Variants in TMSB15B observed in about 807,000 individuals in gnomAD.
TMSB15B encodes the protein thymosin beta-15B.
intron 1 of TMSB15B, among the ~76,000 whole-genome samples, chrX:103,927,862 G>A (rs1483552408): frequency 9.0e-6 from 1 of 111,113 alleles, no homozygotes; most frequent in Non-Finnish European, 1.9e-5. Flanking sequence ...GCTCTGTCCA[G>A]AAAAACCGAT....
At chrX:103,936,911 GT>G (rs2074999556) in intron 1 of TMSB15B, among the ~76,000 whole-genome samples, 1 of 111,930 alleles carries the variant, frequency 8.9e-6, no homozygotes, top group African/African-American at 3.3e-5. Flanking sequence ...TAATCATATG[GT>G]TTTTGTCATT....
chrX:103,946,810 T>A (rs2075026844), intron 1 of TMSB15B, among the ~76,000 whole-genome samples: 1 of 111,495 alleles, frequency 9.0e-6, no homozygotes, highest in Non-Finnish European at 1.9e-5. Flanking sequence ...AAAAATCATG[T>A]CCTCAGAGTA....
At chrX:103,954,050 T>C (rs1402145822) in intron 1 of TMSB15B, among the ~76,000 whole-genome samples, 1 of 111,683 alleles carries the variant, frequency 9.0e-6, no homozygotes, top group Admixed American at 9.4e-5. Flanking sequence ...GGGCTAACTG[T>C]ACTGAGCTAT....
At chrX:103,949,557 G>T (rs1302736752) in intron 1 of TMSB15B, among the ~76,000 whole-genome samples, 2 of 111,935 alleles carry the variant, frequency 1.8e-5, no homozygotes. Context: ...TGATGTTAAG[G>T]TTTTTGACTC....
intron 1 of TMSB15B, chrX:103,928,459 A>G: frequency 1.7e-6 from 2 of 1,204,064 alleles, no homozygotes; most frequent in Non-Finnish European, 1.1e-6. Flanking sequence ...GGCTGCAGGG[A>G]TCATGTCTGG....
At chrX:103,942,478 T>C (rs2075015025) in intron 1 of TMSB15B, among the ~76,000 whole-genome samples, 1 of 112,161 alleles carries the variant, frequency 8.9e-6, no homozygotes, top group African/African-American at 3.2e-5. Flanking sequence ...ATTTATCTAA[T>C]CATGTGCCAA....
intron 1 of TMSB15B, among the ~76,000 whole-genome samples, chrX:103,922,488 A>G (rs2074956419): frequency 9.2e-6 from 1 of 109,206 alleles, no homozygotes; most frequent in African/African-American, 3.3e-5. Flanking sequence ...CAGTTTGCTC[A>G]GAATGATGGT....
chrX:103,931,320 T>G (rs1464926598), intron 1 of TMSB15B: 1 of 112,370 alleles, frequency 8.9e-6, no homozygotes, highest in Non-Finnish European at 1.9e-5. Context: ...TTTCTTCATT[T>G]TAACTTCTTA....
intron 1 of TMSB15B, among the ~76,000 whole-genome samples, chrX:103,934,288 T>C (rs1569448227): frequency 9.0e-6 from 1 of 111,309 alleles, no homozygotes; most frequent in Non-Finnish European, 1.9e-5. Context: ...TCACTTCACA[T>C]AATGTCCTCT....
At chrX:103,928,914 C>T (rs1556319442) in intron 1 of TMSB15B, 1 of 1,204,994 alleles carries the variant, frequency 8.3e-7, no homozygotes, top group Non-Finnish European at 1.1e-6. Context: ...ACCGTGGAGG[C>T]TCCCTGGTCA....
chrX:103,945,528 C>G (rs1163716086), intron 1 of TMSB15B, among the ~76,000 whole-genome samples: 6 of 112,323 alleles, frequency 5.3e-5, no homozygotes, highest in Admixed American at 9.4e-5. Context: ...GCTTTAATCC[C>G]TTCATGAGAG....
chrX:103,952,110 G>T (rs1192769705), intron 1 of TMSB15B, among the ~76,000 whole-genome samples: 1 of 111,465 alleles, frequency 9.0e-6, no homozygotes, highest in Non-Finnish European at 1.9e-5. Flanking sequence ...TTGCTAGGTT[G>T]CCCAGGCTGA....
At chrX:103,945,142 C>T (rs1424626858) in intron 1 of TMSB15B, among the ~76,000 whole-genome samples, 2 of 112,825 alleles carry the variant, frequency 1.8e-5, no homozygotes, top group Non-Finnish European at 3.7e-5. Flanking sequence ...TTGTAAATTC[C>T]TTGAGAGCAG....
intron 1 of TMSB15B, among the ~76,000 whole-genome samples, chrX:103,921,460 T>C (rs185479204): frequency 8.9e-6 from 1 of 111,816 alleles, no homozygotes; most frequent in East Asian, 2.8e-4. Context: ...AGAATAGGTG[T>C]CAGAGCTCGG....
At chrX:103,933,493 C>A (rs2385014) in intron 1 of TMSB15B, among the ~76,000 whole-genome samples, 1 of 110,803 alleles carries the variant, frequency 9.0e-6, no homozygotes, top group African/African-American at 3.3e-5. Context: ...TCCTCTCCCC[C>A]CGCCAATGAT....
intron 1 of TMSB15B, among the ~76,000 whole-genome samples, chrX:103,944,558 G>A (rs1438350375): frequency 9.0e-6 from 1 of 111,668 alleles, no homozygotes; most frequent in East Asian, 2.8e-4. Flanking sequence ...TAGTAGCTGG[G>A]TTTGGGAAGA....
At chrX:103,929,534 T>A (rs1458121885) in intron 1 of TMSB15B, among the ~76,000 whole-genome samples, 2 of 111,597 alleles carry the variant, frequency 1.8e-5, no homozygotes, top group African/African-American at 6.5e-5. Flanking sequence ...AGGCTGTGGG[T>A]CCTACTTTCA....
intron 1 of TMSB15B, among the ~76,000 whole-genome samples, chrX:103,933,282 C>G (rs1344834896): frequency 2.7e-5 from 3 of 111,462 alleles, no homozygotes; most frequent in Non-Finnish European, 5.7e-5. Flanking sequence ...TCCAATGTCT[C>G]TGGTTCTTTC....
At chrX:103,944,247 G>T (rs782809496) in intron 1 of TMSB15B, among the ~76,000 whole-genome samples, 4 of 112,034 alleles carry the variant, frequency 3.6e-5, no homozygotes, top group African/African-American at 1.3e-4. Context: ...TAAAATAGAG[G>T]TACCATTCAT....
Sources: gnomAD v4.1 joint callset for allele counts (sites outside exome capture counted in the v4.1 genomes callset) on GRCh38, gnomAD v4.1.1 for gene constraint, MANE v1.5 for transcripts, NCBI Gene and HGNC (gene_info 2026-07-23, HGNC 2026-07-21) for gene names.